Variants in TRHDE observed in about 807,000 individuals in gnomAD.
The protein encoded by TRHDE is thyrotropin-releasing hormone-degrading ectoenzyme.
TRHDE carries 72 observed loss-of-function variants against 125.7 expected under a neutral mutation model. The ratio of observed to expected loss-of-function variants is 0.57; its 90% CI spans 0.47 to 0.70. TRHDE has a LOEUF of 0.70. TRHDE is among the 30% of genes least tolerant of loss of function. The pLI is 0.00. For missense variants in TRHDE, 1,110 were observed against 1,327.1 expected, an observed-to-expected ratio of 0.84 and a Z score of 2.54; for synonymous variants, 509 against 509.1, an observed-to-expected ratio of 1.00 and a Z score of 0.00.
At chr12:72,277,704 T>C (rs1357613233) in intron 1 of TRHDE, among the ~76,000 whole-genome samples, 2 of 152,104 alleles carry the variant, frequency 1.3e-5, no homozygotes, top group Non-Finnish European at 2.9e-5. Context: ...GCTCTGACCA[T>C]GTAATAATGA....
At chr12:72,658,904 T>C (rs567081451) in intron 18 of TRHDE, among the ~76,000 whole-genome samples, 35 of 152,280 alleles carry the variant, frequency 2.3e-4, no homozygotes, top group South Asian at 1.5e-3. Flanking sequence ...ATCTCTAAGA[T>C]TGAGGAACAT....
intron 6 of TRHDE, among the ~76,000 whole-genome samples, chr12:72,501,497 TA>T (rs1438929968): frequency 8.5e-5 from 13 of 152,110 alleles, no homozygotes; most frequent in Non-Finnish European, 1.5e-4. Context: ...TTATAATGAT[TA>T]ATTTTTTAAT....
At chr12:72,176,456 G>A (rs1056719585) in intron 2 of TRHDE, among the ~76,000 whole-genome samples, 10 of 152,114 alleles carry the variant, frequency 6.6e-5, no homozygotes, top group Non-Finnish European at 1.5e-4. Context: ...CTGTGAGTGT[G>A]GGCAATGAGT....
intron 3 of TRHDE, among the ~76,000 whole-genome samples, chr12:72,469,468 C>CT (rs1448159115): frequency 6.6e-6 from 1 of 152,184 alleles, no homozygotes; most frequent in African/African-American, 2.4e-5. Flanking sequence ...GTTTCCTTGA[C>CT]TTATGAAATT....
intron 2 of TRHDE, among the ~76,000 whole-genome samples, chr12:72,295,459 A>G (rs1364883028): frequency 6.6e-6 from 1 of 152,168 alleles, no homozygotes; most frequent in Non-Finnish European, 1.5e-5. Context: ...TTGCAAAAAG[A>G]AGGAAGTTTT....
intron 3 of TRHDE, among the ~76,000 whole-genome samples, chr12:72,409,838 A>G (rs1196829581): frequency 6.6e-6 from 1 of 152,230 alleles, no homozygotes; most frequent in Non-Finnish European, 1.5e-5. Context: ...GGCATAAAAT[A>G]GAACCATAGT....
intron 2 of TRHDE, among the ~76,000 whole-genome samples, chr12:72,241,486 T>C (rs1350907910): frequency 6.6e-6 from 1 of 152,208 alleles, no homozygotes; most frequent in Admixed American, 6.5e-5. Flanking sequence ...TACTTTATTA[T>C]TGCACAGTAG....
In TRHDE at chr12:72,188,342, A is replaced by G. The variant is rs575759683; in HGVS notation, n.279+82590A>G. The stretch of plus-strand genomic sequence containing the variant: ...AGACTGATTTTCAGTTCTTTTAAAT[A>G]GGTAAAGTCATTGTGAAAATGTATC... On this transcript the variant is annotated intron_variant and non_coding_transcript_variant, in intron 2 of 4. Transcript: ENST00000548156. Among the ~76,000 whole-genome samples, 7 of 152,384 alleles carry G rather than the reference A, an allele frequency of 4.6e-5. No homozygotes were observed. In the East Asian group the frequency reaches 9.6e-4, roughly 21 times the overall value.
intron 2 of TRHDE, among the ~76,000 whole-genome samples, chr12:72,119,719 T>A (rs552782017): frequency 1.3e-5 from 2 of 152,310 alleles, no homozygotes; most frequent in Admixed American, 6.5e-5. Flanking sequence ...TGCTCCACTG[T>A]TGGGTACATA....
intron 12 of TRHDE, among the ~76,000 whole-genome samples, chr12:72,587,317 T>A (rs1332513478): frequency 6.6e-6 from 1 of 152,156 alleles, no homozygotes; most frequent in Non-Finnish European, 1.5e-5. Flanking sequence ...TCAGTTTTTT[T>A]AAGTATGGAG....
chr12:72,479,883 A>G (rs1442198058), intron 5 of TRHDE, among the ~76,000 whole-genome samples: 1 of 150,444 alleles, frequency 6.6e-6, no homozygotes, highest in Non-Finnish European at 1.5e-5. Flanking sequence ...TCATTGTTCA[A>G]TTCCCACCTA....
chr12:72,188,892 T>C (rs1374401865), intron 2 of TRHDE, among the ~76,000 whole-genome samples: 1 of 152,208 alleles, frequency 6.6e-6, no homozygotes, highest in Admixed American at 6.5e-5. Flanking sequence ...CCTACCCAGC[T>C]GCAAGAATCT....
In TRHDE at chr12:72,509,685, T is replaced by G. The variant is rs185732003; in HGVS notation, c.1722+10050T>G. Among the ~76,000 whole-genome samples the G allele has an allele frequency of 2.8e-3, 427 of 152,294 alleles. 8 individuals carry two copies. Among genetic ancestry groups the G allele is most frequent in the Admixed American group, 0.026 (397 of 15,294 alleles). On this transcript the variant is annotated intron_variant, in intron 6 of 18. Coordinates refer to ENST00000261180, the MANE Select transcript of TRHDE (RefSeq NM_013381.3). The stretch of plus-strand genomic sequence containing the variant: ...TTTCTTAATCTGATCCTATTATGTT[T>G]ACTATATTGTTTGACTTTCCACTTT...
chr12:72,199,580 G>A (rs976282260), intron 2 of TRHDE, among the ~76,000 whole-genome samples: 4 of 152,134 alleles, frequency 2.6e-5, no homozygotes, highest in African/African-American at 4.8e-5. Flanking sequence ...TGTAGATGCC[G>A]AGTAATATTT....
intron 2 of TRHDE, among the ~76,000 whole-genome samples, chr12:72,292,217 T>G (rs1169317740): frequency 6.6e-6 from 1 of 152,194 alleles, no homozygotes; most frequent in Non-Finnish European, 1.5e-5. Flanking sequence ...CTTTAAGAGT[T>G]TCTGAGGTCT....
intron 2 of TRHDE, among the ~76,000 whole-genome samples, chr12:72,334,464 C>T (rs1403663851): frequency 1.3e-5 from 2 of 152,154 alleles, no homozygotes; most frequent in Non-Finnish European, 2.9e-5. Flanking sequence ...GCAACCCTGC[C>T]CTAATAAGAA....
Position 72,273,728 on chromosome 12 carries a change from G to A in TRHDE, c.914+171G>A. On this transcript the variant is annotated intron_variant, in intron 1 of 18. Transcript: ENST00000261180. The surrounding 1 kb of genome is among the most constrained non-coding windows in gnomAD (Gnocchi z 5.3). ...GTCAGAACTCCGGGGTCTCCCAGAT[G>A]CCTCGGGGTCTCGCTGCCGCCAACT... is the stretch of plus-strand genomic sequence containing the variant. 1.7e-6 allele frequency: 1 copy of A among 604,810 alleles called. No individual in the cohort carries two copies. The highest frequency in any genetic ancestry group is 2.8e-6 in the Non-Finnish European group (1 of 352,068). 37.5% of individuals were successfully genotyped at this position (604,810 alleles called of 1,614,324 possible). A position where few individuals can be genotyped will look rare whatever the true frequency, so the allele number is the denominator to read the frequency against.
At chr12:72,479,814 C>T (rs1282516760) in intron 5 of TRHDE, among the ~76,000 whole-genome samples, 2 of 141,060 alleles carry the variant, frequency 1.4e-5, no homozygotes, top group African/African-American at 2.6e-5. Context: ...CCTCCCACCT[C>T]CCCCCACCCC....
chr12:72,499,541 T>G lies in TRHDE; in HGVS notation c.1628T>G (p.Leu543Arg). 3 of 1,613,888 alleles carry G rather than the reference T, an allele frequency of 1.9e-6. No homozygotes were observed. The highest frequency in any genetic ancestry group is 2.5e-6 in the Non-Finnish European group (3 of 1,179,870). The stretch of plus-strand genomic sequence containing the variant: ...ACCGATGTTCTGCATGAAGTGATGC[T>G]GCTGGACGGTTTGGCCAGTTCCCAT... Reference protein sequence around the residue: ...FLTDVLHEVMLLDGLASSHPV... With the variant: ...FLTDVLHEVMRLDGLASSHPV... The change falls in exon 6 of 19, where the codon CTG (leucine) becomes CGG (arginine). Residue 543 changes from leucine to arginine, a missense_variant. Leu to Arg is a moderately radical substitution (Grantham distance 102). Transcript: ENST00000261180.
Sources: gnomAD v4.1 joint callset for allele counts (sites outside exome capture counted in the v4.1 genomes callset) on GRCh38, gnomAD v4.1.1 for gene constraint, Gnocchi (gnomAD v3.1) non-coding constraint, MANE v1.5 for transcripts, NCBI Gene and HGNC (gene_info 2026-07-23, HGNC 2026-07-21) for gene names.